Variants in CACNA1B observed in about 807,000 individuals in gnomAD.
The protein encoded by CACNA1B is voltage-dependent N-type calcium channel subunit alpha-1B.
A neutral mutation model predicts 247.2 loss-of-function variants in CACNA1B; 70 were observed. The ratio of observed to expected loss-of-function variants is 0.28; its 90% confidence interval spans 0.23 to 0.35. The LOEUF (loss-of-function observed/expected upper bound fraction) is 0.35. Among genes scored for constraint, CACNA1B ranks in the 10% least tolerant of loss-of-function variants. The probability of loss-of-function intolerance (pLI) is 1.00; values close to 1 mark genes in which losing one functional copy is unlikely to be tolerated. For synonymous variants in CACNA1B, 1,231 were observed against 1,294.4 expected, an observed-to-expected ratio of 0.95 and a Z score of 1.05; for missense variants, 2,367 against 3,197.4, an observed-to-expected ratio of 0.74 and a Z score of 6.26.
At chr9:138,024,487 G>T (rs2133440976) in intron 19 of CACNA1B, among the ~76,000 whole-genome samples, 1 of 152,316 alleles carries the variant, frequency 6.6e-6, no homozygotes, top group African/African-American at 2.4e-5. Context: ...CCCCATCCCT[G>T]CCTTTCGGAC....
In CACNA1B at chr9:137,941,733, G is replaced by C. The variant is rs1957734395; in HGVS notation, c.967-10541G>C. Reference sequence around the variant, plus strand: ...AAGCAAAAAGATAAAAGTGGAGAAAGGACACACTATTCAACAAATGGTGTT... The same window carrying C: ...AAGCAAAAAGATAAAAGTGGAGAAACGACACACTATTCAACAAATGGTGTT... On this transcript the variant is annotated intron_variant, in intron 6 of 46. Transcript: ENST00000371372. Among the ~76,000 whole-genome samples, 2 of 152,228 alleles carry C rather than the reference G, an allele frequency of 1.3e-5. 1 individual carries two copies. The highest frequency in any genetic ancestry group is 4.1e-4 in the South Asian group (2 of 4,822).
intron 10 of CACNA1B, among the ~76,000 whole-genome samples, chr9:137,960,264 C>CGGCCTGAGGGATGCCG (rs1564208787): frequency 0.027 from 135 of 4,962 alleles, no homozygotes; most frequent in Non-Finnish European, 0.041. Context: ...GAGGGACACC[C>CGGCCTGAGGGATGCCG]GGAGAGAAGG....
At chr9:137,885,238 GC>G in intron 3 of CACNA1B, among the ~76,000 whole-genome samples, 1 of 151,894 alleles carries the variant, frequency 6.6e-6, no homozygotes, top group Middle Eastern at 3.4e-3. Context: ...GTCCCACGGG[GC>G]CACATGCTGG....
At chr9:137,926,303 C>T (rs538591237) in intron 6 of CACNA1B, among the ~76,000 whole-genome samples, 2 of 152,056 alleles carry the variant, frequency 1.3e-5, no homozygotes, top group South Asian at 2.1e-4. Flanking sequence ...CTCCTGACCT[C>T]GTGATCCACC....
rs1957394399 is a variant in CACNA1B at position 137,914,955 on chromosome 9, C to T, written c.775+149C>T. ...TTCTAGTGGGGGACATAGACGATAG[C>T]CTGATAAACACAAGTAAATAAACAC... On this transcript the variant is annotated intron_variant, in intron 5 of 46. Coordinates refer to ENST00000371372, the MANE Select transcript of CACNA1B (RefSeq NM_000718.4). The surrounding 1 kb of genome is among the most constrained non-coding windows in gnomAD (Gnocchi z 4.3). 1 of 727,384 alleles carries T rather than the reference C, an allele frequency of 1.4e-6. No individual in the cohort carries two copies. Among genetic ancestry groups the T allele is most frequent in the Non-Finnish European group, 2.2e-6 (1 of 460,802 alleles). The allele number at this position is 727,384 out of a possible 1,614,324, so 45.1% of individuals were successfully genotyped here.
chr9:137,945,115 G>C (rs866069593), intron 6 of CACNA1B, among the ~76,000 whole-genome samples: 46 of 152,192 alleles, frequency 3.0e-4, no homozygotes, highest in Admixed American at 2.2e-3. Flanking sequence ...TTGTAATTAA[G>C]ACTTCCCATG....
intron 24 of CACNA1B, chr9:138,049,988 G>A: frequency 1.1e-6 from 1 of 918,698 alleles, no homozygotes; most frequent in Non-Finnish European, 1.5e-6. Flanking sequence ...CATGAGGGAG[G>A]GTCCACATCT....
intron 31 of CACNA1B, chr9:138,068,610 A>T (rs749614146): frequency 1.2e-5 from 6 of 518,924 alleles, no homozygotes; most frequent in Non-Finnish European, 2.3e-5. Context: ...CCTCCTTGGA[A>T]ACAGAAATCT....
chr9:138,097,222 C>T (rs1341568006), intron 37 of CACNA1B, among the ~76,000 whole-genome samples: 3 of 152,084 alleles, frequency 2.0e-5, no homozygotes, highest in Non-Finnish European at 4.4e-5. Flanking sequence ...AGACCCTTGT[C>T]TATCATCTGT....
chr9:137,885,322 C>T (rs1194255561), intron 3 of CACNA1B, among the ~76,000 whole-genome samples: 21 of 152,216 alleles, frequency 1.4e-4, no homozygotes, highest in African/African-American at 4.8e-4. Flanking sequence ...CCCCTGTGTG[C>T]GTATCTGTGT....
At chr9:137,916,650 A>G (rs574337573) in intron 5 of CACNA1B, among the ~76,000 whole-genome samples, 1 of 152,342 alleles carries the variant, frequency 6.6e-6, no homozygotes, top group Admixed American at 6.5e-5. Flanking sequence ...GGGACTGGCC[A>G]AGGGCCTCAA....
At chr9:137,903,359 C>T (rs1328241921) in intron 3 of CACNA1B, among the ~76,000 whole-genome samples, 1 of 152,190 alleles carries the variant, frequency 6.6e-6, no homozygotes, top group African/African-American at 2.4e-5. Context: ...GCACTCCAGC[C>T]TGGCGAGAGA....
At chr9:138,078,672 G>A (rs879943112) in intron 36 of CACNA1B, among the ~76,000 whole-genome samples, 28 of 152,238 alleles carry the variant, frequency 1.8e-4, no homozygotes, top group African/African-American at 6.3e-4. Context: ...GCCTCTGGGG[G>A]CCTCACAGCA....
At chr9:138,112,360 T>C in intron 39 of CACNA1B, 38 bp from the exon 40 acceptor site, 1 of 1,494,254 alleles carries the variant, frequency 6.7e-7, no homozygotes, top group South Asian at 1.1e-5. Flanking sequence ...TCCTAACATC[T>C]CTGTCTTTTC....
At chr9:138,104,205 AC>A (rs1961348011) in intron 38 of CACNA1B, among the ~76,000 whole-genome samples, 1 of 152,214 alleles carries the variant, frequency 6.6e-6, no homozygotes, top group East Asian at 1.9e-4. Context: ...CAGGGCAGAG[AC>A]ACCTGTTTGT....
rs559107068 is a variant in CACNA1B at position 137,919,507 on chromosome 9, C to T, written c.966+2076C>T. 1.0e-3 allele frequency among the ~76,000 whole-genome samples: 158 copies of T among 152,324 alleles called. No individual in the cohort carries two copies. The highest frequency in any genetic ancestry group is 3.5e-3 in the African/African-American group (146 of 41,566). On this transcript the variant is annotated intron_variant, in intron 6 of 46. Transcript: ENST00000371372. This position sits in a 1 kb window ranked among gnomAD's most constrained non-coding sequence, Gnocchi z 4.6. Reference sequence around the variant, plus strand: ...GCAGGTAGCCAAGAACCGACCAGTCCGCTCCTCCACACTAAGGGCATACAG... The same window carrying T: ...GCAGGTAGCCAAGAACCGACCAGTCTGCTCCTCCACACTAAGGGCATACAG...
chr9:138,088,074 G>A (rs890869661), intron 36 of CACNA1B, among the ~76,000 whole-genome samples: 6 of 151,906 alleles, frequency 3.9e-5, no homozygotes, highest in African/African-American at 1.2e-4. Flanking sequence ...AAAGATCAAC[G>A]AAATGAAAAT....
In CACNA1B at chr9:137,973,685, C is replaced by T. The variant is rs767587886; in HGVS notation, c.1543+2093C>T. On this transcript the variant is annotated intron_variant, in intron 11 of 46. Transcript: ENST00000371372. The surrounding 1 kb of genome is among the most constrained non-coding windows in gnomAD (Gnocchi z 4.1). ...TGGGGAGAAGGGTGAACTCTGTCCC[C>T]ATGCTGGCTCAAAACAGCACCAGTG... Among the ~76,000 whole-genome samples the T allele has an allele frequency of 6.6e-6, 1 of 152,124 alleles. No homozygotes were observed. The highest frequency in any genetic ancestry group is 1.5e-5 in the Non-Finnish European group (1 of 68,014).
chr9:137,900,633 CTG>C (rs1226080785), intron 3 of CACNA1B, among the ~76,000 whole-genome samples: 1 of 146,902 alleles, frequency 6.8e-6, no homozygotes. Flanking sequence ...ATGTGTGTCT[CTG>C]TGTCTGTGTG....
Sources: gnomAD v4.1 joint callset for allele counts (sites outside exome capture counted in the v4.1 genomes callset) on GRCh38, gnomAD v4.1.1 for gene constraint, Gnocchi (gnomAD v3.1) non-coding constraint, MANE v1.5 for transcripts, NCBI Gene and HGNC (gene_info 2026-07-23, HGNC 2026-07-21) for gene names.